P2RY8: variants seen among roughly 807,000 people sequenced by gnomAD.
P2RY8 encodes the protein P2Y receptor family member 8.
P2RY8 carries 6 observed loss-of-function variants against 10.0 expected under a neutral mutation model. That is an observed-to-expected ratio of 0.60 (90% CI 0.33 to 1.19). The LOEUF (loss-of-function observed/expected upper bound fraction) is 1.19. P2RY8 is among the 50% of genes most tolerant of loss of function. The probability of loss-of-function intolerance (pLI) is 0.04; values close to 1 mark genes in which losing one functional copy is unlikely to be tolerated. For missense variants in P2RY8, 456 were observed against 542.0 expected (o/e 0.84, Z 1.58); for synonymous variants, 276 against 252.5 (o/e 1.09, Z -0.88).
At chrX:1,526,468 TCATCCATCCATCCATTTATC>T (rs2092441068) in intron 1 of P2RY8, among the ~76,000 whole-genome samples, 1 of 152,014 alleles carries the variant, frequency 6.6e-6, no homozygotes, top group Non-Finnish European at 1.5e-5. Flanking sequence ...ATCCAGCCAC[TCATCCATCCATCCATTTATC>T]CATCCATCCA....
chrX:1,500,627 T>C (rs1303337048), intron 1 of P2RY8, among the ~76,000 whole-genome samples: 6 of 151,976 alleles, frequency 3.9e-5, no homozygotes, highest in Non-Finnish European at 8.8e-5. Context: ...GTATTTTTGG[T>C]AGAGACGGGG....
chrX:1,471,273 G>C (rs1214024154), intron 1 of P2RY8, among the ~76,000 whole-genome samples: 4 of 149,138 alleles, frequency 2.7e-5, no homozygotes, highest in African/African-American at 7.4e-5. Context: ...CTCCCAAAGT[G>C]CTGGGACTAC....
At chrX:1,485,239 G>A (rs1378437382) in intron 1 of P2RY8, among the ~76,000 whole-genome samples, 2 of 152,010 alleles carry the variant, frequency 1.3e-5, no homozygotes, top group African/African-American at 4.8e-5. Flanking sequence ...TGGGCTTCAA[G>A]CAGTTCTCGT....
At chrX:1,492,776 C>T (rs1384257173) in intron 1 of P2RY8, among the ~76,000 whole-genome samples, 2 of 152,052 alleles carry the variant, frequency 1.3e-5, no homozygotes, top group Non-Finnish European at 2.9e-5. Context: ...AGAGAGAGGG[C>T]CCACGGAGCC....
chrX:1,532,740 AC>A (rs1183200105), intron 1 of P2RY8, among the ~76,000 whole-genome samples: 1 of 151,924 alleles, frequency 6.6e-6, no homozygotes, highest in Non-Finnish European at 1.5e-5. Context: ...GGTGGCTCAC[AC>A]CTGTCATCCC....
intron 1 of P2RY8, among the ~76,000 whole-genome samples, chrX:1,498,387 C>G (rs2092139744): frequency 9.0e-6 from 1 of 110,730 alleles, no homozygotes. Context: ...GCCTGGGCGA[C>G]AGAGCGAGAC....
In P2RY8 at chrX:1,526,957, G is replaced by A. The variant is rs1360133314; in HGVS notation, c.-25+9964C>T. ...TGCCCAGGCTGATGTGCAACAGCTC[G>A]ATCTTGGCTCATTGCAACATCTGCC... On this transcript the variant is annotated intron_variant, in intron 1 of 1. Transcript: ENST00000381297. 2.6e-5 allele frequency among the ~76,000 whole-genome samples: 4 copies of A among 152,122 alleles called. No individual in the cohort carries two copies. The East Asian group carries it at 7.7e-4, about 29-fold the overall frequency.
At chrX:1,522,487 A>G (rs1191156835) in intron 1 of P2RY8, among the ~76,000 whole-genome samples, 4 of 152,190 alleles carry the variant, frequency 2.6e-5, no homozygotes. Context: ...TCAACAACCA[A>G]GATGCGATAA....
chrX:1,533,479 T>C (rs2092495726), intron 1 of P2RY8, among the ~76,000 whole-genome samples: 4 of 141,996 alleles, frequency 2.8e-5, no homozygotes, highest in South Asian at 4.2e-4. Flanking sequence ...TTATTCTTTA[T>C]ATCTTATATA....
Position 1,465,568 on chromosome X carries a change from T to C in P2RY8, c.991A>G (p.Thr331Ala). ...GCACCGGCCTCGGAGCGCACGGACG[T>C]GGTCCTGGCGGAGAAGAGGCTCTCG... ...RRESLFSART[T>A]SVRSEAGAHP... Residue 331 changes from threonine to alanine, a missense_variant, in exon 2 of 2, where the codon ACG (threonine) becomes GCG (alanine). Thr to Ala is a moderately conservative substitution (Grantham distance 58, BLOSUM62 0). Coordinates refer to ENST00000381297, the MANE Select transcript of P2RY8 (RefSeq NM_178129.5). 1 of 1,612,698 alleles carries C rather than the reference T, an allele frequency of 6.2e-7. No homozygotes were observed. The highest frequency in any genetic ancestry group is 8.5e-7 in the Non-Finnish European group (1 of 1,179,776).
At chrX:1,486,692 G>A (rs1443442182) in intron 1 of P2RY8, among the ~76,000 whole-genome samples, 1 of 152,130 alleles carries the variant, frequency 6.6e-6, no homozygotes, top group South Asian at 2.1e-4. Flanking sequence ...CCAGTTATTC[G>A]CTTTAAAACG....
In P2RY8 at chrX:1,466,564, A is replaced by G; in HGVS notation, c.-6T>C. On this transcript the variant is annotated 5_prime_UTR_variant, in exon 2 of 2. Transcript: ENST00000381297. ...GTGCTGTTCGGGACCTGCATCCTGG[A>G]GGGGTCCTCGCCCGGGCTCTGCAAG... The G allele has an allele frequency of 6.2e-7, 1 of 1,601,574 alleles. No homozygotes were observed. The highest frequency in any genetic ancestry group is 8.5e-7 in the Non-Finnish European group (1 of 1,176,908).
At chrX:1,514,189 C>G (rs1241739103) in intron 1 of P2RY8, among the ~76,000 whole-genome samples, 3 of 152,184 alleles carry the variant, frequency 2.0e-5, no homozygotes, top group Non-Finnish European at 4.4e-5. Context: ...TCCCCACATC[C>G]AACACCTGCA....
At chrX:1,508,702 C>CATCCATCCATCCATCCACCT (rs1224676271) in intron 1 of P2RY8, among the ~76,000 whole-genome samples, 1 of 86,442 alleles carries the variant, frequency 1.2e-5, no homozygotes, top group Non-Finnish European at 2.3e-5. Flanking sequence ...TCCATCCATC[C>CATCCATCCATCCATCCACCT]ATTCTATCTA....
chrX:1,484,088 G>C (rs1191434319), intron 1 of P2RY8, among the ~76,000 whole-genome samples: 1 of 151,794 alleles, frequency 6.6e-6, no homozygotes, highest in African/African-American at 2.4e-5. Context: ...TACCTAAAAA[G>C]CTGGGTTCCC....
chrX:1,500,985 T>C (rs2149397677), intron 1 of P2RY8, among the ~76,000 whole-genome samples: 1 of 152,266 alleles, frequency 6.6e-6, no homozygotes, highest in East Asian at 1.9e-4. Context: ...TGGGGCCGCC[T>C]GTCTGGCCCA....
intron 1 of P2RY8, among the ~76,000 whole-genome samples, chrX:1,501,523 G>C (rs1478904034): frequency 2.0e-5 from 3 of 151,912 alleles, no homozygotes; most frequent in Admixed American, 1.3e-4. Flanking sequence ...CACCATGGCT[G>C]GCTAATTATT....
intron 1 of P2RY8, among the ~76,000 whole-genome samples, chrX:1,509,781 CATCT>C (rs1235111857): frequency 1.0e-5 from 1 of 96,154 alleles, no homozygotes; most frequent in African/African-American, 4.6e-5. Context: ...ATCTATCTAT[CATCT>C]ATGTATCCAT....
Position 1,463,342 on chromosome X carries a change from C to T in P2RY8, c.*2137G>A, listed in dbSNP as rs183523963. ...TTCTGTGGAAGTTCTGGGTCTCTTA[C>T]GCATCCTCCAGTTCCCCCTGGAGGC... On this transcript the variant is annotated 3_prime_UTR_variant, in exon 2 of 2. Coordinates refer to ENST00000381297, the MANE Select transcript of P2RY8 (RefSeq NM_178129.5). 3.6e-3 allele frequency: 839 copies of T among 232,710 alleles called. 8 individuals are homozygous for T. The highest frequency in any genetic ancestry group is 0.017 in the African/African-American group (781 of 45,382). 14.4% of individuals were successfully genotyped at this position (232,710 alleles called of 1,614,324 possible).
Sources: gnomAD v4.1 joint callset for allele counts (sites outside exome capture counted in the v4.1 genomes callset) on GRCh38, gnomAD v4.1.1 for gene constraint, MANE v1.5 for transcripts, NCBI Gene and HGNC (gene_info 2026-07-23, HGNC 2026-07-21) for gene names.